Variants in RGS6 observed in about 807,000 individuals in gnomAD.
RGS6 encodes regulator of G protein signaling 6.
In RGS6, 30 loss-of-function variants were observed where a neutral mutation model predicts 78.5. The ratio of observed to expected loss-of-function variants is 0.38; its 90% CI spans 0.29 to 0.52. RGS6 has a LOEUF of 0.52. Ranked by LOEUF, RGS6 falls within the 20% of genes least tolerant of loss-of-function variation. The pLI is 0.85. For synonymous variants in RGS6, 206 were observed against 206.0 expected (o/e 1.00, Z 0.00); for missense variants, 495 against 609.7 (o/e 0.81, Z 1.98).
intron 2 of RGS6, among the ~76,000 whole-genome samples, chr14:72,193,904 G>A (rs888974590): frequency 6.6e-6 from 1 of 152,180 alleles, no homozygotes; most frequent in African/African-American, 2.4e-5. Flanking sequence ...GCCAAAACAG[G>A]AGGGAGTTCA....
At chr14:72,103,157 G>A (rs2095561718) in intron 2 of RGS6, among the ~76,000 whole-genome samples, 1 of 152,194 alleles carries the variant, frequency 6.6e-6, no homozygotes, top group African/African-American at 2.4e-5. Context: ...AGTGGTAATA[G>A]CTGGCCTGTG....
intron 2 of RGS6, among the ~76,000 whole-genome samples, chr14:72,246,514 G>C (rs1321418857): frequency 2.0e-5 from 3 of 152,046 alleles, no homozygotes; most frequent in Non-Finnish European, 2.9e-5. Context: ...TTTTTGTACT[G>C]TGATAGTTTT....
At chr14:72,496,364 A>C (rs1276183722) in intron 13 of RGS6, among the ~76,000 whole-genome samples, 1 of 152,258 alleles carries the variant, frequency 6.6e-6, no homozygotes, top group Non-Finnish European at 1.5e-5. Context: ...AAGATGGTTC[A>C]GTTTCAACAT....
intron 2 of RGS6, among the ~76,000 whole-genome samples, chr14:71,981,338 C>G (rs921077972): frequency 2.4e-4 from 36 of 152,192 alleles, no homozygotes; most frequent in Non-Finnish European, 5.9e-5. Flanking sequence ...GAGAGGCGCT[C>G]TGCTTTTTAG....
chr14:72,495,130 TTGCTC>T lies in RGS6; in HGVS notation c.855-18_855-14del, dbSNP rs1232761032. ...TTTCTAAGGAAATCAGTGGCATTCT[TTGCTC>T]TGCCTCCCTCCTGCAGTTTAATTGC... On this transcript the variant is annotated splice_polypyrimidine_tract_variant and intron_variant, in intron 12 of 17. Transcript: ENST00000553525. The T allele has an allele frequency of 7.2e-7, 1 of 1,386,470 alleles. No individual in the cohort carries two copies. The highest frequency in any genetic ancestry group is 1.7e-5 in the Admixed American group (1 of 59,668). 85.9% of individuals were successfully genotyped at this position (1,386,470 alleles called of 1,614,324 possible). A position where few individuals can be genotyped will look rare whatever the true frequency, so the allele number is the denominator to read the frequency against.
In RGS6 at chr14:72,452,969, C is replaced by T. The variant is rs536439110; in HGVS notation, c.185-1559C>T. ...GAACATATGGTGAGGAACTCCAGGC[C>T]ACACCCTGCAAGGAAGCAGCTGAGG... On this transcript the variant is annotated intron_variant, in intron 3 of 17. Coordinates refer to ENST00000553525, the MANE Select transcript of RGS6 (RefSeq NM_001204424.2). Among the ~76,000 whole-genome samples the T allele has an allele frequency of 1.3e-5, 2 of 152,302 alleles. 1 individual carries two copies. Among genetic ancestry groups the T allele is most frequent in the South Asian group, 4.1e-4 (2 of 4,826 alleles).
At chr14:72,083,933 C>G (rs2094925465) in intron 2 of RGS6, among the ~76,000 whole-genome samples, 1 of 152,098 alleles carries the variant, frequency 6.6e-6, no homozygotes, top group South Asian at 2.1e-4. Flanking sequence ...GAGAGGTTCA[C>G]TAGTACTTAT....
intron 2 of RGS6, among the ~76,000 whole-genome samples, chr14:72,344,306 G>A (rs562929057): frequency 2.0e-5 from 3 of 152,274 alleles, no homozygotes; most frequent in East Asian, 3.9e-4. Flanking sequence ...TGTGTCATCC[G>A]TCTGCCCTGG....
rs56171281 is a variant in RGS6, at chr14:72,269,567, A to ATTTTTTTTTTTTTTTTTTTTTTTT, written c.85-82524_85-82501dup. On this transcript the variant is annotated intron_variant, in intron 2 of 17. Transcript: ENST00000553525. ...GTTTTTACAGTGAAACCTATCTTAA[A>ATTTTTTTTTTTTTTTTTTTTTTTT]TTTTTTTTTTTTTTTTTTTTTTTTT... Among the ~76,000 whole-genome samples, 3 of 120,334 alleles carry ATTTTTTTTTTTTTTTTTTTTTTTT rather than the reference A, an allele frequency of 2.5e-5. 1 individual carries two copies. The highest frequency in any genetic ancestry group is 1.8e-4 in the Admixed American group (2 of 11,066). 78.9% of individuals were successfully genotyped at this position (120,334 alleles called of 152,430 possible).
At chr14:72,441,387 G>A (rs1329898766) in intron 3 of RGS6, among the ~76,000 whole-genome samples, 1 of 152,206 alleles carries the variant, frequency 6.6e-6, no homozygotes, top group African/African-American at 2.4e-5. Flanking sequence ...TGCAAAGCCA[G>A]GCCTTGACCC....
At chr14:71,981,150 G>T (rs530498991) in intron 2 of RGS6, among the ~76,000 whole-genome samples, 1 of 147,160 alleles carries the variant, frequency 6.8e-6, no homozygotes, top group Non-Finnish European at 1.5e-5. Flanking sequence ...GATTATTCTA[G>T]TTATACATTC....
chr14:72,231,477 A>G (rs2049572053), intron 2 of RGS6, among the ~76,000 whole-genome samples: 1 of 148,902 alleles, frequency 6.7e-6, no homozygotes, highest in African/African-American at 2.5e-5. Flanking sequence ...ACAGTGGCAA[A>G]CAGAACAGAC....
At chr14:71,941,861 C>T (rs540756951) in intron 1 of RGS6, among the ~76,000 whole-genome samples, 1 of 152,318 alleles carries the variant, frequency 6.6e-6, no homozygotes, top group Non-Finnish European at 1.5e-5. Context: ...AGTTGACACT[C>T]AGTATTAACC....
At chr14:71,893,749 G>T in the RGS6 span, among the ~76,000 whole-genome samples, 1 of 152,078 alleles carries the variant, frequency 6.6e-6, no homozygotes, top group Admixed American at 6.5e-5. Context: ...CGTTCATTTT[G>T]GGGTGGTGTT....
At chr14:72,142,713 C>A (rs940672942) in intron 2 of RGS6, among the ~76,000 whole-genome samples, 1 of 152,140 alleles carries the variant, frequency 6.6e-6, no homozygotes, top group African/African-American at 2.4e-5. Flanking sequence ...TGTTTTGTTC[C>A]CTCAAGAACC....
intron 3 of RGS6, among the ~76,000 whole-genome samples, chr14:72,440,124 C>T (rs1413344850): frequency 6.6e-6 from 1 of 152,214 alleles, no homozygotes; most frequent in Non-Finnish European, 1.5e-5. Flanking sequence ...GCTTTGCTTT[C>T]TTCCCTTTCT....
chr14:72,619,842 A>G, the RGS6 span: 4 of 1,423,492 alleles, frequency 2.8e-6, no homozygotes, highest in Admixed American at 6.5e-5. Flanking sequence ...GTGAGAGCTC[A>G]GTAAGTGCTA....
intron 2 of RGS6, among the ~76,000 whole-genome samples, chr14:72,241,484 A>C (rs1392470650): frequency 6.6e-6 from 1 of 152,190 alleles, no homozygotes; most frequent in African/African-American, 2.4e-5. Context: ...AGAAGGAACA[A>C]AAATTGCCCA....
chr14:72,245,959 C>G (rs1033319119), intron 2 of RGS6, among the ~76,000 whole-genome samples: 1 of 152,188 alleles, frequency 6.6e-6, no homozygotes, highest in Non-Finnish European at 1.5e-5. Context: ...AGGGAGGGTA[C>G]CTTTCACATG....
Sources: gnomAD v4.1 joint callset for allele counts (sites outside exome capture counted in the v4.1 genomes callset) on GRCh38, gnomAD v4.1.1 for gene constraint, MANE v1.5 for transcripts, NCBI Gene and HGNC (gene_info 2026-07-23, HGNC 2026-07-21) for gene names.